MYT1: variants seen among roughly 807,000 people sequenced by gnomAD.
MYT1 encodes the protein myelin transcription factor 1, also known as myelin transcription factor I.
In MYT1, 23 loss-of-function variants were observed where a neutral mutation model predicts 123.0. The observed-to-expected ratio is 0.19, with a 90% CI of 0.13 to 0.26. MYT1 has a LOEUF of 0.26. Among genes scored for constraint, MYT1 ranks in the 10% least tolerant of loss-of-function variants. The pLI, the probability that MYT1 is intolerant of heterozygous loss-of-function variation, is 1.00. For missense variants in MYT1, 1,125 were observed against 1,472.5 expected (o/e 0.76, Z 3.86); for synonymous variants, 518 against 575.3 (o/e 0.90, Z 1.43).
At chr20:64,197,155 G>A (rs13038037) in intron 2 of MYT1, among the ~76,000 whole-genome samples, 28,307 of 152,240 alleles carry the variant, frequency 0.19, 2,804 homozygotes, top group Middle Eastern at 0.24. Flanking sequence ...ATAAACGCAC[G>A]GCTCACAGCA....
rs747286130 is a variant in MYT1 at position 64,218,809 on chromosome 20, G to T, written c.1847-102G>T. Reference sequence around the variant, plus strand: ...CTCTTTTCAAGTTGTATATCAGCCTGGTGTTGTTCCCTTTTTGCAGCCAAA... The same window carrying T: ...CTCTTTTCAAGTTGTATATCAGCCTTGTGTTGTTCCCTTTTTGCAGCCAAA... On this transcript the variant is annotated intron_variant, in intron 11 of 22. Coordinates refer to ENST00000328439, the MANE Select transcript of MYT1 (RefSeq NM_004535.3). The surrounding 1 kb of genome is among the most constrained non-coding windows in gnomAD (Gnocchi z 4.0). 6.7e-7 allele frequency: 1 copy of T among 1,496,992 alleles called. No individual in the cohort carries two copies. The highest frequency in any genetic ancestry group is 1.7e-5 in the Admixed American group (1 of 59,750). 92.7% of individuals were successfully genotyped at this position (1,496,992 alleles called of 1,614,324 possible).
chr20:64,213,774 T>C lies in MYT1; in HGVS notation c.1631+127T>C. 1.3e-6 allele frequency: 1 copy of C among 772,610 alleles called. No individual in the cohort carries two copies. Among genetic ancestry groups the C allele is most frequent in the Non-Finnish European group, 2.1e-6 (1 of 470,152 alleles). 47.9% of individuals were successfully genotyped at this position (772,610 alleles called of 1,614,324 possible). A position where few individuals can be genotyped will look rare whatever the true frequency, so the allele number is the denominator to read the frequency against. The stretch of plus-strand genomic sequence containing the variant: ...GTGTGTGAGTGTACGTGCATGTGAG[T>C]GTACGTGCATGTGAGTGTGCACATG... On this transcript the variant is annotated intron_variant, in intron 10 of 22. Coordinates refer to ENST00000328439, the MANE Select transcript of MYT1 (RefSeq NM_004535.3). This position sits in a 1 kb window ranked among gnomAD's most constrained non-coding sequence, Gnocchi z 5.6.
rs1311186149 is a variant in MYT1 at position 64,241,687 on chromosome 20, A to C, written c.*1239A>C. 6.6e-6 allele frequency: 1 copy of C among 152,650 alleles called. No individual in the cohort carries two copies. Among genetic ancestry groups the C allele is most frequent in the Non-Finnish European group, 1.5e-5 (1 of 68,052 alleles). 9.5% of individuals were successfully genotyped at this position (152,650 alleles called of 1,614,324 possible). A position where few individuals can be genotyped will look rare whatever the true frequency, so the allele number is the denominator to read the frequency against. On this transcript the variant is annotated 3_prime_UTR_variant, in exon 23 of 23. Coordinates refer to ENST00000328439, the MANE Select transcript of MYT1 (RefSeq NM_004535.3). The surrounding 1 kb of genome is among the most constrained non-coding windows in gnomAD (Gnocchi z 4.2). Reference sequence around the variant, plus strand: ...CACACCAGGGCACCCTAAGAGGGGAAAAAAGTGAATTCAAAGCAAAAATAA... The same window carrying C: ...CACACCAGGGCACCCTAAGAGGGGACAAAAGTGAATTCAAAGCAAAAATAA...
At position 64,208,398 on chromosome 20, in the gene MYT1, C is replaced by T. The variant is rs765849470; in HGVS notation, c.1202C>T (p.Pro401Leu). ...QVRTVCEPGC[P>L]PAEQSQLGLG... ...CGCACAGTCTGCGAGCCGGGCTGCC[C>T]GCCTGCCGAGCAGAGCCAGCTGGGC... The change falls in exon 7 of 23, where the codon CCG becomes CTG. Residue 401 changes from proline to leucine, a missense_variant. Around this residue, in one of 4 missense-constraint regions of MYT1, gnomAD observed 429 missense variants for 604.1 expected, o/e 0.71. Coordinates refer to ENST00000328439, the MANE Select transcript of MYT1 (RefSeq NM_004535.3). This position sits in a 1 kb window ranked among gnomAD's most constrained non-coding sequence, Gnocchi z 5.4. 2.4e-5 allele frequency: 39 copies of T among 1,613,338 alleles called. No individual in the cohort carries two copies. Among genetic ancestry groups the T allele is most frequent in the Admixed American group, 6.7e-5 (4 of 59,990 alleles).
chr20:64,232,424 G>A lies in MYT1; in HGVS notation c.2897+39G>A. The A allele has an allele frequency of 6.3e-7, 1 of 1,594,858 alleles. No individual in the cohort carries two copies. The highest frequency in any genetic ancestry group is 8.6e-7 in the Non-Finnish European group (1 of 1,164,216). ...CAGGTCCTGCCCCTCTGTGCAGTCA[G>A]TAGGGACCCTCGCCTGGGGCCTGGG... On this transcript the variant is annotated intron_variant, in intron 19 of 22. Transcript: ENST00000328439. The surrounding 1 kb of genome is among the most constrained non-coding windows in gnomAD (Gnocchi z 6.9).
In MYT1 at chr20:64,168,871, G is replaced by A. The variant is rs1982158698; in HGVS notation, c.-99+4132G>A. 6.6e-6 allele frequency among the ~76,000 whole-genome samples: 1 copy of A among 152,186 alleles called. No homozygotes were observed. On this transcript the variant is annotated intron_variant, in intron 1 of 22. Transcript: ENST00000328439. This position sits in a 1 kb window ranked among gnomAD's most constrained non-coding sequence, Gnocchi z 6.1. ...TGAGCACTGGGGATCTGGATGCTCGGGAGGAAAGGTGGAGGCACCATATGG... is the reference window on the plus strand; with the variant it reads ...TGAGCACTGGGGATCTGGATGCTCGAGAGGAAAGGTGGAGGCACCATATGG...
Position 64,192,546 on chromosome 20 carries a change from C to A in MYT1, c.-1+2386C>A, listed in dbSNP as rs189323931. On this transcript the variant is annotated intron_variant, in intron 2 of 22. Transcript: ENST00000328439. This position sits in a 1 kb window ranked among gnomAD's most constrained non-coding sequence, Gnocchi z 5.3. ...AACACACAAACCCTGTGCATGGGAC[C>A]GTCACAGCCTGCGGCGTGCCTCTGA... 6.6e-6 allele frequency among the ~76,000 whole-genome samples: 1 copy of A among 152,168 alleles called. No individual in the cohort carries two copies. The highest frequency in any genetic ancestry group is 6.5e-5 in the Admixed American group (1 of 15,278).
chr20:64,199,939 G>T lies in MYT1; in HGVS notation c.86+17G>T. 1 of 1,613,738 alleles carries T rather than the reference G, an allele frequency of 6.2e-7. No homozygotes were observed. The highest frequency in any genetic ancestry group is 8.5e-7 in the Non-Finnish European group (1 of 1,179,622). On this transcript the variant is annotated intron_variant, in intron 4 of 22. Transcript: ENST00000328439. ...AGACCTCAGGTAAGGAAGTCTTCCT[G>T]TTAGCACCAAGCATCGTCTATGTGC...
Position 64,232,029 on chromosome 20 carries a change from C to T in MYT1, c.2676-135C>T, listed in dbSNP as rs1264850779. ...CTTCCCTGAGGCTCCAGGACCTCAGCGGCCCTCCCTGCCTCACTCAGAAGC... is the reference window on the plus strand; with the variant it reads ...CTTCCCTGAGGCTCCAGGACCTCAGTGGCCCTCCCTGCCTCACTCAGAAGC... On this transcript the variant is annotated intron_variant, in intron 18 of 22. Coordinates refer to ENST00000328439, the MANE Select transcript of MYT1 (RefSeq NM_004535.3). The surrounding 1 kb of genome is among the most constrained non-coding windows in gnomAD (Gnocchi z 6.9). 17 of 814,954 alleles carry T rather than the reference C, an allele frequency of 2.1e-5. No homozygotes were observed. The highest frequency in any genetic ancestry group is 8.0e-5 in the East Asian group (3 of 37,426). The allele number at this position is 814,954 out of a possible 1,614,324, so 50.5% of individuals were successfully genotyped here.
At chr20:64,178,324 C>T (rs1272385211) in intron 1 of MYT1, among the ~76,000 whole-genome samples, 1 of 152,256 alleles carries the variant, frequency 6.6e-6, no homozygotes, top group Non-Finnish European at 1.5e-5. Flanking sequence ...CCCACTGCTC[C>T]ACCCTCACCT....
At chr20:64,178,125 C>A (rs1229326370) in intron 1 of MYT1, among the ~76,000 whole-genome samples, 1 of 152,218 alleles carries the variant, frequency 6.6e-6, no homozygotes, top group Non-Finnish European at 1.5e-5. Flanking sequence ...CCACTGACCA[C>A]TGGTTACTTA....
chr20:64,207,487 G>C lies in MYT1; in HGVS notation c.398-107G>C, dbSNP rs951623929. The C allele has an allele frequency of 7.9e-6, 12 of 1,521,898 alleles. No homozygotes were observed. In the African/African-American group the frequency reaches 1.7e-4, roughly 21 times the overall value. 94.3% of individuals were successfully genotyped at this position (1,521,898 alleles called of 1,614,324 possible). A position where few individuals can be genotyped will look rare whatever the true frequency, so the allele number is the denominator to read the frequency against. ...TGTTTCCCCTTGGCTCCCGTATAAA[G>C]AGTGAGTGGTAGGTCAGGTGGAGGG... On this transcript the variant is annotated intron_variant, in intron 6 of 22. Transcript: ENST00000328439.
intron 4 of MYT1, among the ~76,000 whole-genome samples, chr20:64,201,837 C>T (rs1214654600): frequency 1.3e-5 from 2 of 152,224 alleles, no homozygotes; most frequent in Non-Finnish European, 2.9e-5. Context: ...GCATCGCGTC[C>T]TGTGTGCAGA....
At position 64,232,095 on chromosome 20, in the gene MYT1, TGA is replaced by T. The variant is rs1984336630; in HGVS notation, c.2676-63_2676-62del. 8 of 1,527,062 alleles carry T rather than the reference TGA, an allele frequency of 5.2e-6. No individual in the cohort carries two copies. Among genetic ancestry groups the T allele is most frequent in the Admixed American group, 5.1e-5 (3 of 58,932 alleles). The allele number at this position is 1,527,062 out of a possible 1,614,324, so 94.6% of individuals were successfully genotyped here. On this transcript the variant is annotated intron_variant, in intron 18 of 22. Coordinates refer to ENST00000328439, the MANE Select transcript of MYT1 (RefSeq NM_004535.3). The surrounding 1 kb of genome is among the most constrained non-coding windows in gnomAD (Gnocchi z 6.9). ...AGTTGGGCTCCCCTTGTGTCTGGCTTGAGAGAGTCTCCAGGCTTCTCCTCCCA... is the reference window on the plus strand; with the variant it reads ...AGTTGGGCTCCCCTTGTGTCTGGCTTGAGAGTCTCCAGGCTTCTCCTCCCA...
chr20:64,215,468 G>A (rs953450401), intron 10 of MYT1, among the ~76,000 whole-genome samples: 1 of 152,180 alleles, frequency 6.6e-6, no homozygotes, highest in South Asian at 2.1e-4. Flanking sequence ...GAACTTTGGG[G>A]TGTGAGGACG....
chr20:64,219,106 C>T, intron 12 of MYT1, 71 bp downstream of exon 12: 1 of 1,509,190 alleles, frequency 6.6e-7, no homozygotes. Flanking sequence ...GGCCCACCTG[C>T]TCTCTGCACA....
In MYT1 at chr20:64,213,563, A is replaced by C; in HGVS notation, c.1547A>C (p.Glu516Ala). The change falls in exon 10 of 23, where the codon GAA (glutamate) becomes GCA (alanine). Residue 516 changes from glutamate (E) to alanine (A), a missense_variant. By Grantham distance (107) the Glu-to-Ala change is moderately radical. Transcript: ENST00000328439. The surrounding 1 kb of genome is among the most constrained non-coding windows in gnomAD (Gnocchi z 5.6). ...TCTGGGTGTCCCATTGCTGCCGCCGAAAAATTAGCCAAATCCCATGAGAAG... is the reference window on the plus strand; with the variant it reads ...TCTGGGTGTCCCATTGCTGCCGCCGCAAAATTAGCCAAATCCCATGAGAAG... ...SLSGCPIAAA[E>A]KLAKSHEKQQ... is the part of the protein sequence containing the mutation. 1 of 1,614,064 alleles carries C rather than the reference A, an allele frequency of 6.2e-7. No homozygotes were observed. Among genetic ancestry groups the C allele is most frequent in the Non-Finnish European group, 8.5e-7 (1 of 1,179,998 alleles).
intron 14 of MYT1, among the ~76,000 whole-genome samples, chr20:64,222,299 C>T (rs531392305): frequency 3.3e-5 from 5 of 152,340 alleles, no homozygotes; most frequent in African/African-American, 1.2e-4. Flanking sequence ...GCCAAGCTCA[C>T]CAAGCAGGAC....
At chr20:64,210,937 G>A (rs6062665) in intron 7 of MYT1, among the ~76,000 whole-genome samples, 36 of 152,178 alleles carry the variant, frequency 2.4e-4, no homozygotes, top group African/African-American at 8.2e-4. Flanking sequence ...GGACTCCAGC[G>A]GCCGTCTGGG....
Sources: allele counts gnomAD v4.1 joint callset (sites outside exome capture counted in the v4.1 genomes callset), GRCh38; gene constraint gnomAD v4.1.1; regional missense constraint gnomAD v4.1.1; non-coding constraint Gnocchi (gnomAD v3.1); transcripts MANE v1.5; gene names NCBI Gene and HGNC (gene_info 2026-07-23, HGNC 2026-07-21).